The following FAR1 variants were observed in gnomAD, a reference collection of about 807,000 sequenced individuals.
FAR1 encodes male sterility domain-containing protein 2.
In FAR1, 22 loss-of-function variants were observed where a neutral mutation model predicts 61.1. The observed-to-expected ratio is 0.36, with a 90% confidence interval of 0.26 to 0.51. FAR1 has a LOEUF of 0.51. FAR1 is among the 20% of genes least tolerant of loss of function. FAR1 has a pLI of 0.95. For synonymous variants in FAR1, 206 were observed against 209.7 expected (o/e 0.98, Z 0.15); for missense variants, 359 against 626.9 (o/e 0.57, Z 4.56).
At chr11:13,673,336 T>C (rs1848031881) in intron 1 of FAR1, among the ~76,000 whole-genome samples, 1 of 152,240 alleles carries the variant, frequency 6.6e-6, no homozygotes, top group Non-Finnish European at 1.5e-5. Context: ...CTAGGCACTG[T>C]AGCATAATCC....
intron 1 of FAR1, among the ~76,000 whole-genome samples, chr11:13,686,183 G>A: frequency 6.6e-6 from 1 of 152,160 alleles, no homozygotes; most frequent in East Asian, 1.9e-4. Context: ...GGAGACTTTT[G>A]GAAAATAGTA....
intron 10 of FAR1, among the ~76,000 whole-genome samples, chr11:13,724,411 G>T (rs914476315): frequency 2.6e-5 from 4 of 151,918 alleles, no homozygotes; most frequent in African/African-American, 7.2e-5. Flanking sequence ...TTAGCCAGGC[G>T]TGGTGGCGCA....
Position 13,700,380 on chromosome 11 carries a change from G to A in FAR1, c.253G>A (p.Glu85Lys), listed in dbSNP as rs1848357944. Residue 85 changes from glutamate (E) to lysine (K), a missense_variant, in exon 3 of 12, where the codon GAA becomes AAA. Transcript: ENST00000354817. ...FREKIIAINS[E>K]LTQPKLALSE... ...AGAGAAAATTATAGCAATCAACAGC[G>A]AACTCACCCAACCTAAACTGGCTCT... 3 of 1,601,514 alleles carry A rather than the reference G, an allele frequency of 1.9e-6. No homozygotes were observed. The highest frequency in any genetic ancestry group is 1.1e-5 in the South Asian group (1 of 87,810).
At chr11:13,690,140 G>A (rs1039591032) in intron 1 of FAR1, among the ~76,000 whole-genome samples, 4 of 152,130 alleles carry the variant, frequency 2.6e-5, no homozygotes, top group Non-Finnish European at 5.9e-5. Flanking sequence ...GCCTCCCAAA[G>A]TGCTGGGATT....
intron 9 of FAR1, among the ~76,000 whole-genome samples, chr11:13,716,427 A>C (rs900923597): frequency 1.3e-5 from 2 of 152,310 alleles, no homozygotes; most frequent in Admixed American, 1.3e-4. Context: ...GAAAGAATCC[A>C]CTGGGCAGTT....
In FAR1 at chr11:13,728,798, C is replaced by T. The variant is rs1848692127; in HGVS notation, c.*24C>T. ...GAAGACCAAGGATTCAGCATTAGAA[C>T]ATCTATACATATGGTGATCTAAATG... On this transcript the variant is annotated 3_prime_UTR_variant, in exon 12 of 12. Coordinates refer to ENST00000354817, the MANE Select transcript of FAR1 (RefSeq NM_032228.6). 1.9e-6 allele frequency: 3 copies of T among 1,597,984 alleles called. No individual in the cohort carries two copies. Among genetic ancestry groups the T allele is most frequent in the East Asian group, 4.5e-5 (2 of 44,644 alleles).
intron 1 of FAR1, among the ~76,000 whole-genome samples, chr11:13,686,008 G>C (rs1027003687): frequency 6.6e-6 from 1 of 152,076 alleles, no homozygotes; most frequent in Non-Finnish European, 1.5e-5. Flanking sequence ...TTCTAGCGCT[G>C]TGCACTCAAT....
intron 1 of FAR1, among the ~76,000 whole-genome samples, chr11:13,674,904 G>C (rs1848049559): frequency 6.6e-6 from 1 of 152,136 alleles, no homozygotes; most frequent in African/African-American, 2.4e-5. Flanking sequence ...CTTACTAGTA[G>C]GAGAGGCAAG....
chr11:13,725,419 C>T (rs990393798), intron 10 of FAR1, among the ~76,000 whole-genome samples: 1 of 139,054 alleles, frequency 7.2e-6, no homozygotes, highest in Admixed American at 7.3e-5. Flanking sequence ...TTACCTAGTA[C>T]ATAAAATGTT....
At chr11:13,714,441 G>T (rs1408648978) in intron 8 of FAR1, 68 bp from the exon 9 acceptor site, 7 of 1,403,714 alleles carry the variant, frequency 5.0e-6, no homozygotes, top group African/African-American at 4.4e-5. Context: ...ATAAAAACAT[G>T]ATTTTTTTTT....
chr11:13,669,479 G>A (rs1056104446), intron 1 of FAR1: 4 of 152,264 alleles, frequency 2.6e-5, no homozygotes, highest in Non-Finnish European at 5.9e-5. Flanking sequence ...GTGGACGGGA[G>A]GCTATTGGAC....
chr11:13,673,266 A>T (rs531321318), intron 1 of FAR1, among the ~76,000 whole-genome samples: 1 of 152,336 alleles, frequency 6.6e-6, no homozygotes, highest in South Asian at 2.1e-4. Flanking sequence ...TTTTAGTTTA[A>T]TTTCACTTAG....
intron 1 of FAR1, among the ~76,000 whole-genome samples, chr11:13,679,188 T>G (rs538042202): frequency 7.2e-6 from 1 of 139,086 alleles, no homozygotes; most frequent in East Asian, 2.0e-4. Flanking sequence ...AGTTAAAATA[T>G]TAGTATATCT....
At chr11:13,693,014 A>G (rs1591260547) in intron 1 of FAR1, among the ~76,000 whole-genome samples, 1 of 152,120 alleles carries the variant, frequency 6.6e-6, no homozygotes, top group African/African-American at 2.4e-5. Flanking sequence ...GGCTTCCTCT[A>G]GTTTTTTGAG....
At chr11:13,724,141 C>T (rs1487491207) in intron 10 of FAR1, among the ~76,000 whole-genome samples, 1 of 152,024 alleles carries the variant, frequency 6.6e-6, no homozygotes, top group African/African-American at 2.4e-5. Flanking sequence ...TAAGGATTTG[C>T]CTTTGCTTCT....
rs933241233 is a variant in FAR1, at chr11:13,711,171, C to A, written c.723+301C>A. 58 of 342,256 alleles carry A rather than the reference C, an allele frequency of 1.7e-4. No homozygotes were observed. In the Admixed American group the frequency reaches 2.1e-3, roughly 12 times the overall value. 21.2% of individuals were successfully genotyped at this position (342,256 alleles called of 1,614,324 possible). On this transcript the variant is annotated intron_variant, in intron 5 of 11. Coordinates refer to ENST00000354817, the MANE Select transcript of FAR1 (RefSeq NM_032228.6). ...TTTCTTAGTAGCAAAAAGAGGCAGA[C>A]CTTCCAGGAGGTAGACCCCTTCCTC...
intron 1 of FAR1, among the ~76,000 whole-genome samples, chr11:13,692,475 G>A (rs1220929723): frequency 6.6e-6 from 1 of 152,126 alleles, no homozygotes; most frequent in Non-Finnish European, 1.5e-5. Context: ...TTCCACAGCA[G>A]CTGAGCTATT....
chr11:13,719,262 T>A (rs1343452493), intron 9 of FAR1, among the ~76,000 whole-genome samples: 2 of 152,192 alleles, frequency 1.3e-5, no homozygotes. Flanking sequence ...GCTTTCTAAG[T>A]ATCAAAGCAG....
At chr11:13,708,229 T>C (rs947325117) in intron 4 of FAR1, 150 bp downstream of exon 4, 5 of 468,664 alleles carry the variant, frequency 1.1e-5, no homozygotes, top group Non-Finnish European at 1.5e-5. Context: ...CCAGGCATGG[T>C]GGCAGGCGCC....
Sources: gnomAD v4.1 joint callset for allele counts (sites outside exome capture counted in the v4.1 genomes callset) on GRCh38, gnomAD v4.1.1 for gene constraint, MANE v1.5 for transcripts, NCBI Gene and HGNC (gene_info 2026-07-23, HGNC 2026-07-21) for gene names.